Variants in PFKFB1 observed in about 807,000 individuals in gnomAD.
PFKFB1 encodes the protein 6-phosphofructo-2-kinase/fructose-2,6-bisphosphatase 1.
In PFKFB1, 34 loss-of-function variants were observed where a neutral mutation model predicts 46.4. The ratio of observed to expected loss-of-function variants is 0.73; its 90% CI spans 0.56 to 0.98. PFKFB1 has a LOEUF of 0.98. PFKFB1 is among the 50% of genes least tolerant of loss of function. The pLI is 0.00. For synonymous variants in PFKFB1, 119 were observed against 133.8 expected, an observed-to-expected ratio of 0.89 and a Z score of 0.76; for missense variants, 393 against 376.3, an observed-to-expected ratio of 1.04 and a Z score of -0.37.
At chrX:54,955,572 T>C (rs1051401519) in intron 7 of PFKFB1, among the ~76,000 whole-genome samples, 1 of 111,015 alleles carries the variant, frequency 9.0e-6, no homozygotes, top group Non-Finnish European at 1.9e-5. Context: ...TTATACCCCC[T>C]ACATATACCA....
Position 54,993,947 on chromosome X carries a change from T to C in PFKFB1, c.61A>G (p.Ser21Gly). The C allele has an allele frequency of 8.3e-7, 1 of 1,208,408 alleles. No homozygotes were observed. Among genetic ancestry groups the C allele is most frequent in the Non-Finnish European group, 1.1e-6 (1 of 893,950 alleles). The change falls in exon 1 of 14, where the codon AGC (serine) becomes GGC (glycine). Residue 21 changes from serine (S) to glycine (G), a missense_variant. Coordinates refer to ENST00000375006, the MANE Select transcript of PFKFB1 (RefSeq NM_002625.4). ...TRLQKIWIPHSSGSSRLQRRR... is the reference protein window; with the variant it reads ...TRLQKIWIPHGSGSSRLQRRR... ...CGTTGCAGCCTGCTGCTGCCGCTGC[T>C]GTGTGGAATCCAGATCTTCTGCAAC...
At chrX:54,939,572 T>A (rs1212688999) in intron 10 of PFKFB1, among the ~76,000 whole-genome samples, 2 of 111,219 alleles carry the variant, frequency 1.8e-5, no homozygotes, top group South Asian at 7.5e-4. Flanking sequence ...TCACCACCGA[T>A]CCCACAGATA....
In PFKFB1 at chrX:54,958,303, T is replaced by C. The variant is rs1934215265; in HGVS notation, c.516+3A>G. On this transcript the variant is annotated splice_donor_region_variant and intron_variant, in intron 6 of 13. Coordinates refer to ENST00000375006, the MANE Select transcript of PFKFB1 (RefSeq NM_002625.4). ...AAGTGGAAAAGTAACTGGTGGTCCT[T>C]ACCCTGATGTTTTCTGCAATTATGC... 2 of 1,166,002 alleles carry C rather than the reference T, an allele frequency of 1.7e-6. No homozygotes were observed. The highest frequency in any genetic ancestry group is 2.3e-6 in the Non-Finnish European group (2 of 854,507).
upstream of PFKFB1, chrX:54,998,390 C>T: frequency 8.7e-7 from 1 of 1,145,220 alleles, no homozygotes. Context: ...CCTACTTTCC[C>T]TTCTTTCTCA....
At chrX:54,936,248 AT>A (rs1933385414) in intron 11 of PFKFB1, among the ~76,000 whole-genome samples, 1 of 110,117 alleles carries the variant, frequency 9.1e-6, no homozygotes, top group East Asian at 2.9e-4. Flanking sequence ...CAGTGTTCCC[AT>A]TTCACAGGAC....
chrX:54,936,659 C>G (rs1310479786), intron 11 of PFKFB1, among the ~76,000 whole-genome samples: 1 of 111,388 alleles, frequency 9.0e-6, no homozygotes, highest in Non-Finnish European at 1.9e-5. Context: ...GAGAAATCTA[C>G]CAGTGCAAGG....
rs769394640 is a variant in PFKFB1, at chrX:54,951,898, A to G, written c.846+7T>C. 5 of 1,184,785 alleles carry G rather than the reference A, an allele frequency of 4.2e-6. No homozygotes were observed. Among genetic ancestry groups the G allele is most frequent in the Non-Finnish European group, 5.7e-6 (5 of 881,342 alleles). On this transcript the variant is annotated splice_region_variant and intron_variant, in intron 8 of 13. Transcript: ENST00000375006. ...CAACCCATCTGGGTGTGTGTGGCCC[A>G]CCCTACCTGCTTGCCGCGAACTGAG...
intron 10 of PFKFB1, among the ~76,000 whole-genome samples, chrX:54,941,881 T>C (rs180853584): frequency 8.9e-6 from 1 of 112,087 alleles, no homozygotes; most frequent in East Asian, 2.8e-4. Flanking sequence ...GACCCAGCTA[T>C]CCCATTACTG....
chrX:54,956,120 T>C (rs369085233), intron 7 of PFKFB1, 33 bp downstream of exon 7: 1 of 1,043,023 alleles, frequency 9.6e-7, no homozygotes, highest in Non-Finnish European at 1.3e-6. Context: ...GGGTGAAAGA[T>C]CTAGACCTTG....
In PFKFB1 at chrX:54,941,040, A is replaced by G. The variant is rs1407895061; in HGVS notation, c.1099-3316T>C. Among the ~76,000 whole-genome samples, 5 of 112,063 alleles carry G rather than the reference A, an allele frequency of 4.5e-5. No individual in the cohort carries two copies. The East Asian group carries it at 1.4e-3, about 31-fold the overall frequency. On this transcript the variant is annotated intron_variant, in intron 10 of 13. Transcript: ENST00000375006. ...AACAGCATGGTGCTGGTACCAAAACAGAGATATAGACCAATGGAACAGAAC... is the reference window on the plus strand; with the variant it reads ...AACAGCATGGTGCTGGTACCAAAACGGAGATATAGACCAATGGAACAGAAC...
upstream of PFKFB1, chrX:54,994,798 A>G (rs149761567): frequency 0.024 from 18,374 of 751,137 alleles, 186 homozygotes; most frequent in Middle Eastern, 0.044. Flanking sequence ...CTATCCGATC[A>G]TCTTTCTACT....
rs7054008 is a variant in PFKFB1, at chrX:54,958,768, C to T, written c.459+83G>A. On this transcript the variant is annotated intron_variant, in intron 5 of 13. Coordinates refer to ENST00000375006, the MANE Select transcript of PFKFB1 (RefSeq NM_002625.4). ...TTGAGCTTATGGTTGCGGATTTGGC[C>T]GCTCTGAGTCCCCTGGTTTGCCTTT... The T allele has an allele frequency of 0.013, 8,369 of 623,191 alleles. 486 individuals carry two copies. The African/African-American group carries it at 0.16, about 12-fold the overall frequency. The allele number at this position is 623,191 out of a possible 1,213,427, so 51.4% of individuals were successfully genotyped here. A position where few individuals can be genotyped will look rare whatever the true frequency, so the allele number is the denominator to read the frequency against.
chrX:54,940,940 C>T (rs193125094), intron 10 of PFKFB1, among the ~76,000 whole-genome samples: 35 of 111,812 alleles, frequency 3.1e-4, no homozygotes, highest in Non-Finnish European at 5.1e-4. Flanking sequence ...CCAAGTCAAT[C>T]CTAAGTCAAA....
chrX:54,973,417 T>C (rs1934741784), intron 1 of PFKFB1, among the ~76,000 whole-genome samples: 1 of 111,546 alleles, frequency 9.0e-6, no homozygotes, highest in African/African-American at 3.3e-5. Flanking sequence ...TTTCTAGTTC[T>C]TTTAATTGTG....
At chrX:54,994,917 G>A (rs780969060), upstream of PFKFB1, 114 of 680,176 alleles carry the variant, frequency 1.7e-4, no homozygotes, top group Non-Finnish European at 1.9e-4. Context: ...CCACATGGCT[G>A]TTAGCCACCA....
At chrX:54,950,634 G>A (rs983152872) in intron 8 of PFKFB1, among the ~76,000 whole-genome samples, 6 of 112,512 alleles carry the variant, frequency 5.3e-5, no homozygotes, top group East Asian at 2.8e-4. Context: ...GGGCAGGGCC[G>A]GGCTGGCTCC....
At chrX:54,944,487 A>C (rs2146604745) in intron 10 of PFKFB1, among the ~76,000 whole-genome samples, 1 of 112,374 alleles carries the variant, frequency 8.9e-6, no homozygotes, top group South Asian at 3.7e-4. Context: ...TATAAGAGAC[A>C]CAAAACAAAG....
chrX:54,985,512 A>C (rs1452358322), intron 1 of PFKFB1, among the ~76,000 whole-genome samples: 1 of 111,052 alleles, frequency 9.0e-6, no homozygotes, highest in Non-Finnish European at 1.9e-5. Flanking sequence ...GCAGGGAAAC[A>C]TACTTTAAAA....
chrX:54,996,230 C>G (rs1235947559), upstream of PFKFB1, among the ~76,000 whole-genome samples: 1 of 112,304 alleles, frequency 8.9e-6, no homozygotes, highest in Non-Finnish European at 1.9e-5. Context: ...TGGTATAAAT[C>G]TGTTAATATT....
Sources: gnomAD v4.1 joint callset for allele counts (sites outside exome capture counted in the v4.1 genomes callset) on GRCh38, gnomAD v4.1.1 for gene constraint, MANE v1.5 for transcripts, NCBI Gene and HGNC (gene_info 2026-07-23, HGNC 2026-07-21) for gene names.